CSMD1: variants seen among roughly 807,000 people sequenced by gnomAD.
CSMD1 encodes the protein CUB and sushi domain-containing protein 1.
CSMD1 carries 213 observed loss-of-function variants against 417.5 expected under a neutral mutation model. The observed-to-expected ratio is 0.51, with a 90% CI of 0.46 to 0.57. The LOEUF (loss-of-function observed/expected upper bound fraction) is 0.57. CSMD1 is among the 20% of genes least tolerant of loss of function. The pLI, the probability that CSMD1 is intolerant of heterozygous loss-of-function variation, is 0.00. For synonymous variants in CSMD1, 2,862 were observed against 1,736.8 expected, an observed-to-expected ratio of 1.65 and a Z score of -16.11; for missense variants, 6,923 against 4,529.7, an observed-to-expected ratio of 1.53 and a Z score of -15.17.
intron 5 of CSMD1, among the ~76,000 whole-genome samples, chr8:3,905,697 G>C (rs1237960453): frequency 2.0e-5 from 3 of 152,270 alleles, no homozygotes; most frequent in African/African-American, 7.2e-5. Context: ...ACCACACTCA[G>C]TATCTCCTTA....
At chr8:4,114,104 C>A (rs149676912) in intron 3 of CSMD1, among the ~76,000 whole-genome samples, 4 of 152,170 alleles carry the variant, frequency 2.6e-5, no homozygotes, top group African/African-American at 9.7e-5. Context: ...GAAGAAGATG[C>A]CATCTAGGAC....
chr8:3,194,685 G>T (rs915621107), intron 33 of CSMD1, among the ~76,000 whole-genome samples: 1 of 151,534 alleles, frequency 6.6e-6, no homozygotes, highest in Non-Finnish European at 1.5e-5. Flanking sequence ...AGCCACGCTG[G>T]TCTCAAACTC....
intron 6 of CSMD1, among the ~76,000 whole-genome samples, chr8:3,710,102 C>G (rs538738828): frequency 6.7e-6 from 1 of 150,030 alleles, no homozygotes; most frequent in African/African-American, 2.4e-5. Flanking sequence ...ATATATTTTA[C>G]GCATTCATGA....
chr8:4,477,273 T>A (rs1585139908), intron 2 of CSMD1, among the ~76,000 whole-genome samples: 1 of 152,270 alleles, frequency 6.6e-6, no homozygotes, highest in East Asian at 1.9e-4. Context: ...CACTAAGGTG[T>A]GGACGGTGGA....
At chr8:3,046,715 C>T (rs1811469090) in intron 50 of CSMD1, among the ~76,000 whole-genome samples, 1 of 152,170 alleles carries the variant, frequency 6.6e-6, no homozygotes, top group African/African-American at 2.4e-5. Context: ...GGCAGCCTTC[C>T]CCGCAGCAGC....
At position 3,142,676 on chromosome 8, in the gene CSMD1, T is replaced by C; in HGVS notation, c.6032-2A>G. ...AATTCAGAAACTGAATATGTGCACC[T>C]ATGGAAAAACATGCAAACTTAATGA... is the stretch of plus-strand genomic sequence containing the variant. On this transcript the variant is annotated splice_acceptor_variant, in intron 40 of 69. Transcript: ENST00000635120. LOFTEE classifies it high-confidence loss of function. 1 of 1,606,072 alleles carries C rather than the reference T, an allele frequency of 6.2e-7. No homozygotes were observed. Among genetic ancestry groups the C allele is most frequent in the Non-Finnish European group, 8.5e-7 (1 of 1,172,672 alleles).
rs73503654 is a variant in CSMD1 at position 3,519,442 on chromosome 8, T to A, written c.1345-25716A>T. 8.5e-3 allele frequency among the ~76,000 whole-genome samples: 1,299 copies of A among 152,286 alleles called. 25 individuals are homozygous for A. The highest frequency in any genetic ancestry group is 0.03 in the African/African-American group (1,258 of 41,566). ...GCTGGTTCATGTAAAAGATGAAGTT[T>A]CTTGATCATCTGAGAGGAAACACAG... On this transcript the variant is annotated intron_variant, in intron 10 of 69. Coordinates refer to ENST00000635120, the MANE Select transcript of CSMD1 (RefSeq NM_033225.6).
chr8:3,385,659 T>C (rs1399384805), intron 18 of CSMD1, among the ~76,000 whole-genome samples: 1 of 152,182 alleles, frequency 6.6e-6, no homozygotes, highest in African/African-American at 2.4e-5. Context: ...TATATGACGG[T>C]TCTCTGTATA....
At chr8:3,709,937 G>A (rs1801412772) in intron 6 of CSMD1, among the ~76,000 whole-genome samples, 1 of 142,338 alleles carries the variant, frequency 7.0e-6, no homozygotes. Context: ...CATACAAGGG[G>A]TTGGGGCACT....
In CSMD1 at chr8:3,565,131, C is replaced by CAAAAAAAAAAAAA. The variant is rs869248314; in HGVS notation, c.1344+9801_1344+9813dup. On this transcript the variant is annotated intron_variant, in intron 10 of 69. Coordinates refer to ENST00000635120, the MANE Select transcript of CSMD1 (RefSeq NM_033225.6). ...TACTTAACTCTGTAGTGCAAGACAG[C>CAAAAAAAAAAAAA]AAAAAAAAAAAAAAAAAAAAAAAAA... is the stretch of plus-strand genomic sequence containing the variant. Among the ~76,000 whole-genome samples, 20 of 10,448 alleles carry CAAAAAAAAAAAAA rather than the reference C, an allele frequency of 1.9e-3. 3 individuals are homozygous for CAAAAAAAAAAAAA. Among genetic ancestry groups the CAAAAAAAAAAAAA allele is most frequent in the South Asian group, 0.014 (2 of 138 alleles). 6.9% of individuals were successfully genotyped at this position (10,448 alleles called of 152,430 possible).
At chr8:4,268,341 T>A (rs1228441397) in intron 3 of CSMD1, among the ~76,000 whole-genome samples, 1 of 152,154 alleles carries the variant, frequency 6.6e-6, no homozygotes, top group Non-Finnish European at 1.5e-5. Context: ...ATTAGATTCT[T>A]TTTGACTAAT....
intron 5 of CSMD1, among the ~76,000 whole-genome samples, chr8:3,954,612 T>A (rs1039533014): frequency 1.8e-4 from 28 of 152,240 alleles, no homozygotes; most frequent in African/African-American, 6.8e-4. Flanking sequence ...TCCGCCCACC[T>A]TGGCCTCCCA....
intron 7 of CSMD1, among the ~76,000 whole-genome samples, chr8:3,619,674 G>C (rs1802322991): frequency 1.3e-5 from 2 of 151,634 alleles, no homozygotes; most frequent in South Asian, 2.1e-4. Context: ...AGGAGCCAAA[G>C]AAAAAGAGAG....
intron 1 of CSMD1, among the ~76,000 whole-genome samples, chr8:4,737,355 G>C (rs1016089111): frequency 6.6e-6 from 1 of 151,994 alleles, no homozygotes; most frequent in African/African-American, 2.4e-5. Flanking sequence ...GGTTGGAGGA[G>C]AGAGAGAGTC....
chr8:3,873,802 A>C (rs1213851758), intron 5 of CSMD1, among the ~76,000 whole-genome samples: 1 of 152,180 alleles, frequency 6.6e-6, no homozygotes, highest in Non-Finnish European at 1.5e-5. Context: ...AGACTGGGAG[A>C]AAGAAAAGCA....
rs2128908987 is a variant in CSMD1, at chr8:2,935,482, C to T, written c.*3103G>A. 6.6e-6 allele frequency: 1 copy of T among 152,136 alleles called. No individual in the cohort carries two copies. The highest frequency in any genetic ancestry group is 2.1e-4 in the South Asian group (1 of 4,824). The allele number at this position is 152,136 out of a possible 1,614,324, so 9.4% of individuals were successfully genotyped here. ...AAAAGATACTGTTCATTTTAACAGGCCACTTTAATATTAATACATGTGTAA... is the reference window on the plus strand; with the variant it reads ...AAAAGATACTGTTCATTTTAACAGGTCACTTTAATATTAATACATGTGTAA... On this transcript the variant is annotated 3_prime_UTR_variant, in exon 70 of 70. Coordinates refer to ENST00000635120, the MANE Select transcript of CSMD1 (RefSeq NM_033225.6).
rs541330258 is a variant in CSMD1 at position 3,389,161 on chromosome 8, T to C, written c.2594-1479A>G. Among the ~76,000 whole-genome samples, 44 of 152,304 alleles carry C rather than the reference T, an allele frequency of 2.9e-4. 1 individual carries two copies. Among genetic ancestry groups the C allele is most frequent in the Middle Eastern group, 6.8e-3 (2 of 294 alleles). On this transcript the variant is annotated intron_variant, in intron 17 of 69. Transcript: ENST00000635120. Reference sequence around the variant, plus strand: ...TTCAGGGGTACATGTGCAGGTTTGTTACATTGGTAAACTTTTGTCATGGGA... The same window carrying C: ...TTCAGGGGTACATGTGCAGGTTTGTCACATTGGTAAACTTTTGTCATGGGA...
chr8:3,733,556 G>A (rs1212237350), intron 6 of CSMD1, among the ~76,000 whole-genome samples: 2 of 152,114 alleles, frequency 1.3e-5, no homozygotes, highest in African/African-American at 2.4e-5. Context: ...CTCTTAAGTT[G>A]TAAGTTGCGG....
chr8:3,610,311 C>A (rs1449338540), intron 8 of CSMD1, among the ~76,000 whole-genome samples: 1 of 152,132 alleles, frequency 6.6e-6, no homozygotes, highest in African/African-American at 2.4e-5. Flanking sequence ...GGAGGGAGGA[C>A]TGCTTGAGGC....
Sources: allele counts gnomAD v4.1 joint callset (sites outside exome capture counted in the v4.1 genomes callset), GRCh38; gene constraint gnomAD v4.1.1; transcripts MANE v1.5; gene names NCBI Gene and HGNC (gene_info 2026-07-23, HGNC 2026-07-21).